The following ECE1 variants were observed in gnomAD, a reference collection of about 807,000 sequenced individuals.
ECE1 encodes the protein endothelin-converting enzyme 1.
In ECE1, 35 loss-of-function variants were observed where a neutral mutation model predicts 98.6. That is an observed-to-expected ratio of 0.35 (90% confidence interval 0.27 to 0.47). ECE1 has a LOEUF of 0.47. Among genes scored for constraint, ECE1 ranks in the 20% least tolerant of loss-of-function variants. The probability of loss-of-function intolerance (pLI) is 1.00; values close to 1 mark genes in which losing one functional copy is unlikely to be tolerated. For synonymous variants in ECE1, 394 were observed against 407.1 expected, an observed-to-expected ratio of 0.97 and a Z score of 0.39; for missense variants, 814 against 1,025.3, an observed-to-expected ratio of 0.79 and a Z score of 2.81.
At position 21,345,402 on chromosome 1, in the gene ECE1, T is replaced by TCGCGCAGCTCCCCGCGCCCGGCTC; in HGVS notation, c.-48_-25dup. 1 of 1,332,040 alleles carries TCGCGCAGCTCCCCGCGCCCGGCTC rather than the reference T, an allele frequency of 7.5e-7. No homozygotes were observed. Among genetic ancestry groups the TCGCGCAGCTCCCCGCGCCCGGCTC allele is most frequent in the Non-Finnish European group, 9.7e-7 (1 of 1,030,596 alleles). 82.5% of individuals were successfully genotyped at this position (1,332,040 alleles called of 1,614,324 possible). On this transcript the variant is annotated 5_prime_UTR_variant, in exon 1 of 19. Transcript: ENST00000415912. This position sits in a 1 kb window ranked among gnomAD's most constrained non-coding sequence, Gnocchi z 5.1. Reference sequence around the variant, plus strand: ...ATAGCTCGCGTGCTCCGCCCCGGCTTCGCGCAGCTCCCCGCGCCCGGCTCC... The same window carrying TCGCGCAGCTCCCCGCGCCCGGCTC: ...ATAGCTCGCGTGCTCCGCCCCGGCTTCGCGCAGCTCCCCGCGCCCGGCTCCGCGCAGCTCCCCGCGCCCGGCTCC...
Position 21,258,944 on chromosome 1 carries a change from C to T in ECE1, c.616-105G>A, listed in dbSNP as rs2098223425. ...TGCTCTGTGACCCTGGAGCAGTCGC[C>T]TGACCTCTCTGAGCCTCAAGAGCAA... On this transcript the variant is annotated intron_variant, in intron 5 of 18. Transcript: ENST00000374893. This position sits in a 1 kb window ranked among gnomAD's most constrained non-coding sequence, Gnocchi z 4.2. 6.8e-7 allele frequency: 1 copy of T among 1,466,578 alleles called. No individual in the cohort carries two copies. The highest frequency in any genetic ancestry group is 1.4e-5 in the African/African-American group (1 of 71,542). 90.8% of individuals were successfully genotyped at this position (1,466,578 alleles called of 1,614,324 possible).
At chr1:21,326,824 A>C (rs1354594555) in intron 1 of ECE1, among the ~76,000 whole-genome samples, 1 of 152,064 alleles carries the variant, frequency 6.6e-6, no homozygotes, top group Non-Finnish European at 1.5e-5. Flanking sequence ...GCTGCTGGGG[A>C]GACCCCACTG....
At chr1:21,337,228 C>G (rs569346206) in intron 1 of ECE1, among the ~76,000 whole-genome samples, 1 of 152,314 alleles carries the variant, frequency 6.6e-6, no homozygotes, top group South Asian at 2.1e-4. Context: ...TACATCCACC[C>G]AATGCGGCAC....
intron 3 of ECE1, among the ~76,000 whole-genome samples, chr1:21,275,245 G>C (rs527290102): frequency 6.6e-6 from 1 of 152,176 alleles, no homozygotes; most frequent in Admixed American, 6.5e-5. Flanking sequence ...AAAGGTTTTT[G>C]CTGTTATCAC....
chr1:21,279,819 C>G (rs1211596767), intron 2 of ECE1: 1 of 657,174 alleles, frequency 1.5e-6, no homozygotes, highest in African/African-American at 1.9e-5. Flanking sequence ...CACGCAAAAA[C>G]ACGCGAGCCA....
At chr1:21,332,544 A>C (rs1639218535) in intron 1 of ECE1, among the ~76,000 whole-genome samples, 2 of 117,384 alleles carry the variant, frequency 1.7e-5, no homozygotes, top group Non-Finnish European at 3.4e-5. Context: ...ATTCAAACCC[A>C]GGCAGGCTGG....
At position 21,305,879 on chromosome 1, in the gene ECE1, G is replaced by A. The variant is rs531247730; in HGVS notation, c.4-15723C>T. Among the ~76,000 whole-genome samples, 7 of 152,302 alleles carry A rather than the reference G, an allele frequency of 4.6e-5. No individual in the cohort carries two copies. In the South Asian group the frequency reaches 8.3e-4, roughly 18 times the overall value. On this transcript the variant is annotated intron_variant, in intron 1 of 18. Coordinates refer to the ECE1 transcript ENST00000415912. The stretch of plus-strand genomic sequence containing the variant: ...TGGTGGCAGGACAGGGAGCCACCTC[G>A]ATCCCCAGAGAGAACCCTCTGTTCT...
chr1:21,240,152 C>T (rs1036798577), intron 10 of ECE1, among the ~76,000 whole-genome samples: 2 of 151,932 alleles, frequency 1.3e-5, no homozygotes, highest in Non-Finnish European at 2.9e-5. Flanking sequence ...GCCTGGGTGA[C>T]AGAGCGAGAC....
intron 3 of ECE1, 22 bp from the exon 4 acceptor site, chr1:21,272,933 G>A (rs987308066): frequency 4.3e-6 from 7 of 1,613,526 alleles, no homozygotes; most frequent in Non-Finnish European, 5.9e-6. Flanking sequence ...AAGGACAAGA[G>A]GCCAGTGAAG....
intron 1 of ECE1, among the ~76,000 whole-genome samples, chr1:21,325,244 C>T (rs779721579): frequency 6.6e-6 from 1 of 152,230 alleles, no homozygotes; most frequent in African/African-American, 2.4e-5. Flanking sequence ...TTCTGCTCCC[C>T]ACTCTTTCCC....
intron 3 of ECE1, among the ~76,000 whole-genome samples, chr1:21,278,573 G>A (rs1348863563): frequency 1.3e-5 from 2 of 152,232 alleles, no homozygotes; most frequent in Non-Finnish European, 2.9e-5. Context: ...CTCTATCTCA[G>A]TGCCTCAGTT....
At chr1:21,239,770 T>G (rs1214569025) in intron 10 of ECE1, among the ~76,000 whole-genome samples, 1 of 151,890 alleles carries the variant, frequency 6.6e-6, no homozygotes, top group East Asian at 1.9e-4. Flanking sequence ...AAATTTTTTA[T>G]ACATTTTTTT....
intron 11 of ECE1, among the ~76,000 whole-genome samples, chr1:21,237,886 C>A (rs908049842): frequency 1.3e-5 from 2 of 152,180 alleles, no homozygotes; most frequent in Non-Finnish European, 1.5e-5. Flanking sequence ...GCTGTCACAG[C>A]CTTGCAGGCT....
At chr1:21,253,228 TG>T (rs1558388733) in intron 8 of ECE1, among the ~76,000 whole-genome samples, 2 of 151,888 alleles carry the variant, frequency 1.3e-5, no homozygotes, top group Admixed American at 6.6e-5. Flanking sequence ...GGCTAATTTT[TG>T]TATTTTTAGT....
At chr1:21,300,097 G>C (rs913417305) in intron 1 of ECE1, among the ~76,000 whole-genome samples, 2 of 152,236 alleles carry the variant, frequency 1.3e-5, no homozygotes, top group African/African-American at 4.8e-5. Flanking sequence ...TGAGATCAGG[G>C]TCGGGTGGAA....
At chr1:21,226,471 G>T (rs28368033) in intron 16 of ECE1, among the ~76,000 whole-genome samples, 32,524 of 152,112 alleles carry the variant, frequency 0.21, 4,510 homozygotes, top group Non-Finnish European at 0.31. Context: ...AGATCCTTCT[G>T]CCTCCAAAGC....
intron 3 of ECE1, among the ~76,000 whole-genome samples, chr1:21,278,671 T>TGGTATTTG (rs1289785128): frequency 1.3e-5 from 2 of 152,098 alleles, no homozygotes; most frequent in African/African-American, 4.8e-5. Flanking sequence ...GCGAGGGGTG[T>TGGTATTTG]GGTATTTGGG....
intron 1 of ECE1, among the ~76,000 whole-genome samples, chr1:21,302,882 G>T (rs987220150): frequency 6.6e-6 from 1 of 152,220 alleles, no homozygotes; most frequent in African/African-American, 2.4e-5. Context: ...TGCCCCAGCT[G>T]TTGGCCCCTG....
At position 21,220,935 on chromosome 1, in the gene ECE1, C is replaced by T. The variant is rs1405195089; in HGVS notation, c.2137-804G>A. 6.6e-6 allele frequency among the ~76,000 whole-genome samples: 1 copy of T among 152,168 alleles called. No individual in the cohort carries two copies. The highest frequency in any genetic ancestry group is 1.9e-4 in the East Asian group (1 of 5,180). On this transcript the variant is annotated intron_variant, in intron 18 of 18. Coordinates refer to ENST00000374893, the MANE Select transcript of ECE1 (RefSeq NM_001397.3). The surrounding 1 kb of genome is among the most constrained non-coding windows in gnomAD (Gnocchi z 5.0). ...GGTGTAGGGCTGGTGTGCCACCCCC[C>T]ATGCCAGCAGCCTCTAACGCAGTTG...
Sources: allele counts gnomAD v4.1 joint callset (sites outside exome capture counted in the v4.1 genomes callset), GRCh38; gene constraint gnomAD v4.1.1; non-coding constraint Gnocchi (gnomAD v3.1); transcripts MANE v1.5; gene names NCBI Gene and HGNC (gene_info 2026-07-23, HGNC 2026-07-21).